The following CHL1 variants were observed in gnomAD, a reference collection of about 807,000 sequenced individuals.
CHL1 encodes cell adhesion molecule L1 like.
In CHL1, 96 loss-of-function variants were observed where a neutral mutation model predicts 141.9. The observed-to-expected ratio is 0.68, with a 90% confidence interval of 0.57 to 0.80. The LOEUF is 0.80. CHL1 is among the 30% of genes least tolerant of loss of function. The pLI is 0.00. For synonymous variants in CHL1, 613 were observed against 502.2 expected (o/e 1.22, Z -2.95); for missense variants, 1,820 against 1,457.2 (o/e 1.25, Z -4.05).
intron 2 of CHL1, among the ~76,000 whole-genome samples, chr3:266,955 G>A (rs1438344347): frequency 6.6e-6 from 1 of 152,172 alleles, no homozygotes; most frequent in South Asian, 2.1e-4. Flanking sequence ...AATCAAGTCT[G>A]CAGGAAGCTG....
chr3:347,625 T>G (rs947854459), intron 9 of CHL1, among the ~76,000 whole-genome samples: 2 of 152,224 alleles, frequency 1.3e-5, no homozygotes, highest in African/African-American at 4.8e-5. Context: ...TAATAAAGGA[T>G]GGACTCTTGA....
intron 2 of CHL1, among the ~76,000 whole-genome samples, chr3:283,954 A>G (rs1420277259): frequency 6.6e-6 from 1 of 152,224 alleles, no homozygotes; most frequent in African/African-American, 2.4e-5. Flanking sequence ...AGATGAATGA[A>G]TGCATTTACA....
At chr3:344,348 TA>T (rs1462241438) in intron 8 of CHL1, among the ~76,000 whole-genome samples, 1 of 152,074 alleles carries the variant, frequency 6.6e-6, no homozygotes, top group African/African-American at 2.4e-5. Context: ...GTATAAATAA[TA>T]ATATTTATAA....
intron 2 of CHL1, among the ~76,000 whole-genome samples, chr3:253,390 T>C (rs1378029113): frequency 6.6e-6 from 1 of 152,172 alleles, no homozygotes; most frequent in Non-Finnish European, 1.5e-5. Context: ...CAGAGAATTA[T>C]ACCAGTACGT....
intron 2 of CHL1, among the ~76,000 whole-genome samples, chr3:279,928 G>A (rs575423926): frequency 3.3e-5 from 5 of 152,256 alleles, no homozygotes; most frequent in South Asian, 4.1e-4. Flanking sequence ...TACTTGACAA[G>A]CATTTATTTT....
chr3:348,998 G>T (rs1157675585), intron 9 of CHL1, among the ~76,000 whole-genome samples: 1 of 152,236 alleles, frequency 6.6e-6, no homozygotes, highest in Non-Finnish European at 1.5e-5. Flanking sequence ...CACCCACTGG[G>T]AGATTTTCAC....
intron 2 of CHL1, among the ~76,000 whole-genome samples, chr3:260,821 A>G (rs1694648619): frequency 6.6e-6 from 1 of 152,216 alleles, no homozygotes; most frequent in African/African-American, 2.4e-5. Context: ...ATAAGAAACA[A>G]ATAAGATTAA....
intron 1 of CHL1, among the ~76,000 whole-genome samples, chr3:236,750 A>G (rs796400804): frequency 6.9e-6 from 1 of 145,454 alleles, no homozygotes; most frequent in Non-Finnish European, 1.5e-5. Flanking sequence ...TTTCCACACT[A>G]AAGATTTCTA....
intron 27 of CHL1, among the ~76,000 whole-genome samples, chr3:405,250 C>A (rs970348224): frequency 1.1e-4 from 16 of 152,076 alleles, no homozygotes; most frequent in Non-Finnish European, 2.1e-4. Flanking sequence ...AAGAGAAGCA[C>A]AAATGTTGTG....
intron 5 of CHL1, 43 bp downstream of exon 5, chr3:328,397 GAAGTGTT>G (rs1393167849): frequency 1.3e-6 from 2 of 1,510,230 alleles, no homozygotes; most frequent in Non-Finnish European, 1.8e-6. Context: ...GTGTTTTAGT[GAAGTGTT>G]AAATAGGAGT....
intron 2 of CHL1, among the ~76,000 whole-genome samples, chr3:258,395 C>A (rs960716699): frequency 6.6e-6 from 1 of 152,198 alleles, no homozygotes; most frequent in African/African-American, 2.4e-5. Context: ...ACTTCCACAT[C>A]TCTCCCTCTT....
At chr3:393,788 T>C (rs1708440751) in intron 23 of CHL1, among the ~76,000 whole-genome samples, 1 of 152,196 alleles carries the variant, frequency 6.6e-6, no homozygotes, top group Non-Finnish European at 1.5e-5. Context: ...AAAAAAGTGA[T>C]GATTTCACCT....
chr3:210,527 G>T (rs544194422), intron 1 of CHL1, among the ~76,000 whole-genome samples: 3 of 152,162 alleles, frequency 2.0e-5, no homozygotes, highest in Non-Finnish European at 2.9e-5. Context: ...CCTCTCTCCT[G>T]GTCCTTCCAG....
intron 5 of CHL1, among the ~76,000 whole-genome samples, chr3:329,568 G>GA (rs1474181355): frequency 6.7e-6 from 1 of 149,882 alleles, no homozygotes; most frequent in Non-Finnish European, 1.5e-5. Flanking sequence ...ATGCAGGGAA[G>GA]AAAAAATAAA....
chr3:349,277 T>A (rs1024988279), intron 9 of CHL1, 82 bp from the exon 10 acceptor site: 25 of 1,218,204 alleles, frequency 2.1e-5, no homozygotes, highest in African/African-American at 3.1e-5. Context: ...AGCACCCTGA[T>A]AAAGGATGTG....
chr3:263,750 C>A (rs539675967), intron 2 of CHL1, among the ~76,000 whole-genome samples: 1 of 152,112 alleles, frequency 6.6e-6, no homozygotes. Context: ...TATAGCTCTT[C>A]GAACTCAGAG....
intron 2 of CHL1, among the ~76,000 whole-genome samples, chr3:274,000 T>C (rs1695866793): frequency 6.6e-6 from 1 of 152,138 alleles, no homozygotes; most frequent in South Asian, 2.1e-4. Flanking sequence ...CTCAATGAAA[T>C]AGACTCAGCA....
intron 2 of CHL1, among the ~76,000 whole-genome samples, chr3:305,403 A>G (rs1251593456): frequency 1.3e-5 from 2 of 152,228 alleles, no homozygotes; most frequent in South Asian, 2.1e-4. Context: ...AATTACAGTT[A>G]GGAATGTTGA....
chr3:242,695 C>CAG lies in CHL1; in HGVS notation c.-174-1917_-174-1916insGA, dbSNP rs1184647224. On this transcript the variant is annotated intron_variant, in intron 1 of 27. Coordinates refer to ENST00000256509, the MANE Select transcript of CHL1 (RefSeq NM_006614.4). Reference sequence around the variant, plus strand: ...ACATGCACACAAACACACACACACACACAGAGAGAGAGAGAGATTAGATTA... The same window carrying CAG: ...ACATGCACACAAACACACACACACACAGACAGAGAGAGAGAGAGATTAGATTA... Among the ~76,000 whole-genome samples, 749 of 145,842 alleles carry CAG rather than the reference C, an allele frequency of 5.1e-3. 6 individuals carry two copies. Among genetic ancestry groups the CAG allele is most frequent in the Non-Finnish European group, 7.6e-3 (488 of 64,558 alleles).
Sources: gnomAD v4.1 joint callset for allele counts (sites outside exome capture counted in the v4.1 genomes callset) on GRCh38, gnomAD v4.1.1 for gene constraint, MANE v1.5 for transcripts, NCBI Gene and HGNC (gene_info 2026-07-23, HGNC 2026-07-21) for gene names.